Variants in EGLN1 observed in about 807,000 individuals in gnomAD.
EGLN1 encodes egl-9 family hypoxia inducible factor 1, also known as egl nine homolog 1.
Under a neutral mutation model 38.3 loss-of-function variants are expected in EGLN1, and 17 were observed. The observed-to-expected ratio is 0.44, with a 90% confidence interval of 0.30 to 0.67. The LOEUF is 0.67. Ranked by LOEUF, EGLN1 falls within the 30% of genes least tolerant of loss-of-function variation. EGLN1 has a pLI of 0.08. For synonymous variants in EGLN1, 283 were observed against 257.5 expected, an observed-to-expected ratio of 1.10 and a Z score of -0.95; for missense variants, 477 against 603.3, an observed-to-expected ratio of 0.79 and a Z score of 2.19.
intron 1 of EGLN1, among the ~76,000 whole-genome samples, chr1:231,403,205 A>G (rs1410230427): frequency 6.6e-6 from 1 of 152,164 alleles, no homozygotes; most frequent in Non-Finnish European, 1.5e-5. Context: ...CAAATAACGT[A>G]TTTTATGCTG....
chr1:231,388,321 A>G (rs186200796), intron 1 of EGLN1, among the ~76,000 whole-genome samples: 3 of 152,284 alleles, frequency 2.0e-5, no homozygotes, highest in Admixed American at 2.0e-4. Flanking sequence ...AAAATCTTGA[A>G]AAATATTCTC....
At chr1:231,366,699 A>G (rs1428976893) in intron 4 of EGLN1, among the ~76,000 whole-genome samples, 1 of 152,224 alleles carries the variant, frequency 6.6e-6, no homozygotes, top group Non-Finnish European at 1.5e-5. Flanking sequence ...CTACACAGAG[A>G]TAATGATTTT....
At chr1:231,393,275 TA>T (rs1311266707) in intron 1 of EGLN1, among the ~76,000 whole-genome samples, 5 of 152,358 alleles carry the variant, frequency 3.3e-5, no homozygotes, top group Middle Eastern at 3.4e-3. Context: ...CTGGTTTGCT[TA>T]AGCTCATTTG....
chr1:231,386,515 A>C (rs1317677519), intron 1 of EGLN1, among the ~76,000 whole-genome samples: 2 of 151,994 alleles, frequency 1.3e-5, no homozygotes, highest in Non-Finnish European at 1.5e-5. Context: ...AATTAGTTTA[A>C]TGTTATTTGT....
intron 1 of EGLN1, among the ~76,000 whole-genome samples, chr1:231,414,388 A>G (rs1689023349): frequency 6.6e-6 from 1 of 152,220 alleles, no homozygotes; most frequent in Non-Finnish European, 1.5e-5. Flanking sequence ...TTCAGAAAAC[A>G]TGGAAGAAGA....
rs1035393525 is a variant in EGLN1 at position 231,422,074 on chromosome 1, G to A, written c.-186C>T. On this transcript the variant is annotated 5_prime_UTR_variant, in exon 1 of 5. Transcript: ENST00000366641. Reference sequence around the variant, plus strand: ...CGGCCCGGCCGCTTCCGAGTCCTAAGCTCCGGCGCAGCGCCGGCAGCCGCC... The same window carrying A: ...CGGCCCGGCCGCTTCCGAGTCCTAAACTCCGGCGCAGCGCCGGCAGCCGCC... 72 of 523,114 alleles carry A rather than the reference G, an allele frequency of 1.4e-4. No homozygotes were observed. In the African/African-American group the frequency reaches 1.4e-3, roughly 10 times the overall value. 32.4% of individuals were successfully genotyped at this position (523,114 alleles called of 1,614,324 possible). A position where few individuals can be genotyped will look rare whatever the true frequency, so the allele number is the denominator to read the frequency against.
At chr1:231,408,438 A>G (rs1274574683) in intron 1 of EGLN1, among the ~76,000 whole-genome samples, 1 of 152,162 alleles carries the variant, frequency 6.6e-6, no homozygotes, top group African/African-American at 2.4e-5. Context: ...TAAGAATCAA[A>G]TTGTATCCTT....
rs1687586623 is a variant in EGLN1, at chr1:231,364,458, C to G, written c.*1953G>C. 1 of 152,170 alleles carries G rather than the reference C, an allele frequency of 6.6e-6. No individual in the cohort carries two copies. Among genetic ancestry groups the G allele is most frequent in the Non-Finnish European group, 1.5e-5 (1 of 68,044 alleles). The allele number at this position is 152,170 out of a possible 1,614,324, so 9.4% of individuals were successfully genotyped here. A position where few individuals can be genotyped will look rare whatever the true frequency, so the allele number is the denominator to read the frequency against. On this transcript the variant is annotated 3_prime_UTR_variant, in exon 5 of 5. Transcript: ENST00000366641. Reference sequence around the variant, plus strand: ...TACTGTAGAGATGTGATGTTATCATCTGGAAGGAAGGGGAGGAAGTAGAAC... The same window carrying G: ...TACTGTAGAGATGTGATGTTATCATGTGGAAGGAAGGGGAGGAAGTAGAAC...
intron 1 of EGLN1, among the ~76,000 whole-genome samples, chr1:231,399,383 C>T (rs1168607970): frequency 2.0e-5 from 3 of 152,150 alleles, no homozygotes; most frequent in African/African-American, 7.2e-5. Context: ...GGGTAGAATT[C>T]AAACCCCAGT....
chr1:231,367,227 T>A (rs571933203), intron 4 of EGLN1, among the ~76,000 whole-genome samples: 10 of 152,294 alleles, frequency 6.6e-5, no homozygotes, highest in African/African-American at 2.2e-4. Flanking sequence ...GGAAAGGGTA[T>A]TAATTTAAGG....
At position 231,422,202 on chromosome 1, in the gene EGLN1, T is replaced by TCGG. The variant is rs925613292; in HGVS notation, c.-317_-315dup. 1 of 189,328 alleles carries TCGG rather than the reference T, an allele frequency of 5.3e-6. No individual in the cohort carries two copies. Among genetic ancestry groups the TCGG allele is most frequent in the African/African-American group, 2.4e-5 (1 of 42,342 alleles). 11.7% of individuals were successfully genotyped at this position (189,328 alleles called of 1,614,324 possible). Reference sequence around the variant, plus strand: ...CCTGGGGAGCGCAAGACCGGCCCCCTCGGCCGCCGCCGCCGCCTCAGCGTC... The same window carrying TCGG: ...CCTGGGGAGCGCAAGACCGGCCCCCTCGGCGGCCGCCGCCGCCGCCTCAGCGTC... On this transcript the variant is annotated 5_prime_UTR_variant, in exon 1 of 5. Coordinates refer to ENST00000366641, the MANE Select transcript of EGLN1 (RefSeq NM_022051.3).
intron 1 of EGLN1, among the ~76,000 whole-genome samples, chr1:231,383,587 A>C (rs1400352619): frequency 1.3e-5 from 2 of 152,234 alleles, no homozygotes; most frequent in Admixed American, 6.5e-5. Flanking sequence ...ATATTTGCAA[A>C]AACAGAATCA....
intron 1 of EGLN1, among the ~76,000 whole-genome samples, chr1:231,409,604 G>A (rs901922747): frequency 6.6e-6 from 1 of 152,264 alleles, no homozygotes; most frequent in South Asian, 2.1e-4. Context: ...TAATCACATT[G>A]AGTTTGCAAT....
intron 1 of EGLN1, among the ~76,000 whole-genome samples, chr1:231,395,656 C>T (rs1347288950): frequency 1.3e-5 from 2 of 152,274 alleles, no homozygotes; most frequent in South Asian, 2.1e-4. Flanking sequence ...AGTGTATTTC[C>T]CTTGAAATTT....
chr1:231,391,096 G>GTGTGTA (rs1688366958), intron 1 of EGLN1, among the ~76,000 whole-genome samples: 2 of 65,630 alleles, frequency 3.0e-5, no homozygotes, highest in South Asian at 9.2e-4. Flanking sequence ...TTTTTTTTGT[G>GTGTGTA]TGTGTGTGTG....
In EGLN1 at chr1:231,421,397, G is replaced by C. The variant is rs776956500; in HGVS notation, c.492C>G (p.Pro164=). The C allele has an allele frequency of 9.4e-6, 15 of 1,603,870 alleles. No individual in the cohort carries two copies. The highest frequency in any genetic ancestry group is 3.4e-5 in the Admixed American group (2 of 59,442). Residue 164 remains proline, a synonymous_variant, in exon 1 of 5, where the codon CCC becomes CCG. Transcript: ENST00000366641. This position sits in a 1 kb window ranked among gnomAD's most constrained non-coding sequence, Gnocchi z 5.5. Reference sequence around the variant, plus strand: ...GCGCATCCCCGGGCGTGTTGCTTGGGGGGTACAGGTTCGCCTTCTCCTGGA... The same window carrying C: ...GCGCATCCCCGGGCGTGTTGCTTGGCGGGTACAGGTTCGCCTTCTCCTGGA... ...SLFQEKANLY[P]PSNTPGDALS... is the part of the protein sequence containing the mutation.
intron 1 of EGLN1, among the ~76,000 whole-genome samples, chr1:231,379,327 C>T (rs150084838): frequency 5.3e-5 from 8 of 152,222 alleles, no homozygotes; most frequent in African/African-American, 1.4e-4. Context: ...CTAATAGCCT[C>T]GATAGGTTCT....
At chr1:231,419,216 C>T (rs1656470511) in intron 1 of EGLN1, among the ~76,000 whole-genome samples, 1 of 152,114 alleles carries the variant, frequency 6.6e-6, no homozygotes, top group Non-Finnish European at 1.5e-5. Context: ...ACTTAAAACC[C>T]CAACAACTAG....
intron 1 of EGLN1, among the ~76,000 whole-genome samples, chr1:231,387,484 C>T (rs1006934940): frequency 2.6e-5 from 4 of 151,728 alleles, no homozygotes; most frequent in African/African-American, 4.8e-5. Flanking sequence ...CTCAGCCTCC[C>T]GAGTAGCTGG....
Sources: gnomAD v4.1 joint callset for allele counts (sites outside exome capture counted in the v4.1 genomes callset) on GRCh38, gnomAD v4.1.1 for gene constraint, Gnocchi (gnomAD v3.1) non-coding constraint, MANE v1.5 for transcripts, NCBI Gene and HGNC (gene_info 2026-07-23, HGNC 2026-07-21) for gene names.